Variants in ACAA1 observed in about 807,000 individuals in gnomAD.
The protein encoded by ACAA1 is 3-ketoacyl-CoA thiolase, peroxisomal.
Under a neutral mutation model 48.8 loss-of-function variants are expected in ACAA1, and 44 were observed. The observed-to-expected ratio is 0.90, with a 90% CI of 0.71 to 1.16. The LOEUF (loss-of-function observed/expected upper bound fraction) is 1.16. Among genes scored for constraint, ACAA1 ranks in the 50% most tolerant of loss-of-function variants. The pLI is 0.00. For missense variants in ACAA1, 512 were observed against 562.3 expected (o/e 0.91, Z 0.90); for synonymous variants, 233 against 226.5 (o/e 1.03, Z -0.26).
rs1700690551 is a variant in ACAA1 at position 38,126,711 on chromosome 3, C to T, written c.627-11G>A. 1.2e-6 allele frequency: 2 copies of T among 1,612,756 alleles called. No individual in the cohort carries two copies. Among genetic ancestry groups the T allele is most frequent in the Admixed American group, 1.7e-5 (1 of 60,002 alleles). ...TGGGCTCTTGCTGCCCTGCCAGCACCATGGACAGCCAGCTTCAGACTCCCT... is the reference window on the plus strand; with the variant it reads ...TGGGCTCTTGCTGCCCTGCCAGCACTATGGACAGCCAGCTTCAGACTCCCT... On this transcript the variant is annotated splice_polypyrimidine_tract_variant and intron_variant, in intron 7 of 11. Transcript: ENST00000333167. This position sits in a 1 kb window ranked among gnomAD's most constrained non-coding sequence, Gnocchi z 4.7.
At chr3:38,127,677 C>T in intron 7 of ACAA1, 109 bp downstream of exon 7, 1 of 1,132,046 alleles carries the variant, frequency 8.8e-7, no homozygotes, top group East Asian at 2.4e-5. Flanking sequence ...GCCTGGAAAG[C>T]ACTCACTGCC....
rs571696824 is a variant in ACAA1, at chr3:38,131,601, G to A, written c.441C>T (p.Ala147=). 1.9e-6 allele frequency: 3 copies of A among 1,614,116 alleles called. No individual in the cohort carries two copies. Among genetic ancestry groups the A allele is most frequent in the East Asian group, 4.5e-5 (2 of 44,892 alleles). ...CGGCAGAAAAAAATTCTTACCCACA[G>A]GCCATGCCAATGTCATAAGACCCAT... The part of the protein sequence containing the change: ...IRNGSYDIGM[A]CGVESMSLAD... Residue 147 remains alanine, a synonymous_variant, in exon 5 of 12, where the codon GCC becomes GCT. Transcript: ENST00000333167.
Position 38,126,091 on chromosome 3 carries a change from C to A in ACAA1, c.997+71G>T. On this transcript the variant is annotated intron_variant, in intron 9 of 11. Transcript: ENST00000333167. The surrounding 1 kb of genome is among the most constrained non-coding windows in gnomAD (Gnocchi z 4.7). ...CACCCACAGGACCACCCTCATGCCC[C>A]TGGCAACAGCATGCAGGGCAGCTGC... 1 of 1,560,718 alleles carries A rather than the reference C, an allele frequency of 6.4e-7. No individual in the cohort carries two copies. The highest frequency in any genetic ancestry group is 1.2e-5 in the South Asian group (1 of 83,682).
intron 5 of ACAA1, among the ~76,000 whole-genome samples, chr3:38,130,340 A>G (rs766011425): frequency 2.6e-5 from 4 of 152,214 alleles, no homozygotes; most frequent in Non-Finnish European, 5.9e-5. Flanking sequence ...TGTTGCTATT[A>G]CTCCATTTAT....
At chr3:38,127,549 C>G in intron 7 of ACAA1, 1 of 562,752 alleles carries the variant, frequency 1.8e-6, no homozygotes, top group Non-Finnish European at 3.2e-6. Flanking sequence ...GAGGGGGAAA[C>G]TGAGGCCTAG....
Position 38,134,123 on chromosome 3 carries a change from T to C in ACAA1, c.266-114A>G, listed in dbSNP as rs1457765587. On this transcript the variant is annotated intron_variant, in intron 2 of 11. Coordinates refer to ENST00000333167, the MANE Select transcript of ACAA1 (RefSeq NM_001607.4). The stretch of plus-strand genomic sequence containing the variant: ...GATCTTTCTTCGGGACACTAGCCCT[T>C]GGCAGGCTCACTTGCAACTCTGGAA... 7.6e-6 allele frequency: 8 copies of C among 1,049,892 alleles called. No homozygotes were observed. In the East Asian group the frequency reaches 2.0e-4, roughly 26 times the overall value. 65.0% of individuals were successfully genotyped at this position (1,049,892 alleles called of 1,614,324 possible). A position where few individuals can be genotyped will look rare whatever the true frequency, so the allele number is the denominator to read the frequency against.
rs1700560480 is a variant in ACAA1 at position 38,122,805 on chromosome 3, G to C, written c.*242C>G. 2.0e-6 allele frequency: 2 copies of C among 987,372 alleles called. No homozygotes were observed. The highest frequency in any genetic ancestry group is 2.9e-6 in the Non-Finnish European group (2 of 697,334). The allele number at this position is 987,372 out of a possible 1,614,324, so 61.2% of individuals were successfully genotyped here. Reference sequence around the variant, plus strand: ...TTAACCATGGCCTTGTGGCCTGGGTGACCCAGGCTGCTTTTATCTTGCACA... The same window carrying C: ...TTAACCATGGCCTTGTGGCCTGGGTCACCCAGGCTGCTTTTATCTTGCACA... On this transcript the variant is annotated 3_prime_UTR_variant, in exon 12 of 12. Coordinates refer to ENST00000333167, the MANE Select transcript of ACAA1 (RefSeq NM_001607.4).
rs1231096158 is a variant in ACAA1 at position 38,123,078 on chromosome 3, G to A, written c.1244C>T (p.Ala415Val). The A allele has an allele frequency of 5.0e-6, 8 of 1,614,138 alleles. No homozygotes were observed. Among genetic ancestry groups the A allele is most frequent in the Non-Finnish European group, 6.8e-6 (8 of 1,180,016 alleles). Reference sequence around the variant, plus strand: ...CCCAGGGTATTCAAAGACGGCAGCGGCTCCCATTCCAGTCCCGATGCACAT... The same window carrying A: ...CCCAGGGTATTCAAAGACGGCAGCGACTCCCATTCCAGTCCCGATGCACAT... ...VSMCIGTGMG[A>V]AAVFEYPGN Residue 415 changes from alanine (A) to valine (V), a missense_variant, in exon 12 of 12, where the codon GCC becomes GTC. By Grantham distance (64) the Ala-to-Val change is moderately conservative (BLOSUM62 0). Transcript: ENST00000333167.
At chr3:38,128,864 T>A (rs199418) in intron 6 of ACAA1, among the ~76,000 whole-genome samples, 1 of 152,158 alleles carries the variant, frequency 6.6e-6, no homozygotes, top group Non-Finnish European at 1.5e-5. Context: ...GTGCTGGGAT[T>A]ACAGGCATGA....
Position 38,122,951 on chromosome 3 carries a change from C to A in ACAA1, c.*96G>T. ...CTGTCCACTGCCACCACCACCAGTG[C>A]TGAGTTTTCCCATGTGGTTTTGCTT... On this transcript the variant is annotated 3_prime_UTR_variant, in exon 12 of 12. Coordinates refer to ENST00000333167, the MANE Select transcript of ACAA1 (RefSeq NM_001607.4). The A allele has an allele frequency of 1.6e-6, 2 of 1,276,918 alleles. No homozygotes were observed. Among genetic ancestry groups the A allele is most frequent in the Non-Finnish European group, 2.3e-6 (2 of 885,752 alleles). 79.1% of individuals were successfully genotyped at this position (1,276,918 alleles called of 1,614,324 possible). A position where few individuals can be genotyped will look rare whatever the true frequency, so the allele number is the denominator to read the frequency against.
rs938581221 is a variant in ACAA1 at position 38,129,957 on chromosome 3, G to A, written c.447-569C>T. On this transcript the variant is annotated intron_variant, in intron 5 of 11. Coordinates refer to ENST00000333167, the MANE Select transcript of ACAA1 (RefSeq NM_001607.4). The surrounding 1 kb of genome is among the most constrained non-coding windows in gnomAD (Gnocchi z 5.3). Reference sequence around the variant, plus strand: ...TGGGAGGCTGAGGCAGGAGAATGGCGTAAACCCAGGAGGCGGAACTTGCAG... The same window carrying A: ...TGGGAGGCTGAGGCAGGAGAATGGCATAAACCCAGGAGGCGGAACTTGCAG... Among the ~76,000 whole-genome samples, 3 of 152,162 alleles carry A rather than the reference G, an allele frequency of 2.0e-5. No homozygotes were observed. The highest frequency in any genetic ancestry group is 2.1e-4 in the South Asian group (1 of 4,828).
rs768813709 is a variant in ACAA1, at chr3:38,133,961, T to C, written c.314A>G (p.Gln105Arg). The C allele has an allele frequency of 6.2e-7, 1 of 1,614,192 alleles. No homozygotes were observed. Among genetic ancestry groups the C allele is most frequent in the Non-Finnish European group, 8.5e-7 (1 of 1,180,026 alleles). The change falls in exon 3 of 12, where the codon CAG (glutamine) becomes CGG (arginine). Residue 105 changes from glutamine to arginine, a missense_variant. Gln to Arg is a conservative substitution (Grantham distance 43). Transcript: ENST00000333167. ...AACTAGAAAAGTTTACCTCAGAAAC[T>C]GGGCGATTCGGGCCATGATTGCCCC... ...GAGAIMARIAQFLSDIPETVP... is the reference protein window; with the variant it reads ...GAGAIMARIARFLSDIPETVP...
chr3:38,125,536 T>C lies in ACAA1; in HGVS notation c.1199+29A>G, dbSNP rs1374161270. 2.6e-5 allele frequency: 39 copies of C among 1,520,134 alleles called. 1 individual carries two copies. In the Admixed American group the frequency reaches 6.7e-4, roughly 26 times the overall value. 94.2% of individuals were successfully genotyped at this position (1,520,134 alleles called of 1,614,324 possible). On this transcript the variant is annotated intron_variant, in intron 11 of 11. Transcript: ENST00000333167. ...GTGCCCTAACTTGGATATCCCCCTA[T>C]GACCCCACCGCCAGGAGCAAAGCCT... is the stretch of plus-strand genomic sequence containing the variant.
chr3:38,125,784 G>A (rs766663223), intron 10 of ACAA1, 42 bp downstream of exon 10: 19 of 1,614,098 alleles, frequency 1.2e-5, no homozygotes, highest in South Asian at 3.3e-5. Flanking sequence ...ACTCCACCTC[G>A]GCTGTCCAGG....
Position 38,122,803 on chromosome 3 carries a change from G to C in ACAA1, c.*244C>G. ...AATTAACCATGGCCTTGTGGCCTGG[G>C]TGACCCAGGCTGCTTTTATCTTGCA... is the stretch of plus-strand genomic sequence containing the variant. On this transcript the variant is annotated 3_prime_UTR_variant, in exon 12 of 12. Coordinates refer to ENST00000333167, the MANE Select transcript of ACAA1 (RefSeq NM_001607.4). 11 of 1,023,136 alleles carry C rather than the reference G, an allele frequency of 1.1e-5. No individual in the cohort carries two copies. The South Asian group carries it at 1.8e-4, about 16-fold the overall frequency. The allele number at this position is 1,023,136 out of a possible 1,614,324, so 63.4% of individuals were successfully genotyped here.
At chr3:38,135,209 A>G (rs1041719035) in intron 2 of ACAA1, 2 of 151,968 alleles carry the variant, frequency 1.3e-5, no homozygotes, top group African/African-American at 4.8e-5. Flanking sequence ...CCTTCTCCCC[A>G]CCATCACCCT....
intron 1 of ACAA1, 75 bp from the exon 2 acceptor site, chr3:38,136,760 G>T: frequency 6.7e-7 from 1 of 1,500,978 alleles, no homozygotes; most frequent in South Asian, 1.3e-5. Flanking sequence ...GACCACAGCT[G>T]GGTGCGGAGC....
In ACAA1 at chr3:38,136,894, T is replaced by G; in HGVS notation, c.142A>C (p.Ile48Leu). The G allele has an allele frequency of 6.5e-7, 1 of 1,530,486 alleles. No individual in the cohort carries two copies. The highest frequency in any genetic ancestry group is 8.7e-7 in the Non-Finnish European group (1 of 1,143,050). The allele number at this position is 1,530,486 out of a possible 1,614,324, so 94.8% of individuals were successfully genotyped here. Reference sequence around the variant, plus strand: ...AAGCCGCCGCGGCCCGCCCGGCAGATGGCCGTGCGCCGCCCGTGCACCACC... The same window carrying G: ...AAGCCGCCGCGGCCCGCCCGGCAGAGGGCCGTGCGCCGCCCGTGCACCACC... ...VVVVHGRRTA[I>L]CRAGRGGFKD... The change falls in exon 1 of 12, where the codon ATC becomes CTC. Residue 48 changes from isoleucine to leucine, a missense_variant. Coordinates refer to ENST00000333167, the MANE Select transcript of ACAA1 (RefSeq NM_001607.4).
chr3:38,125,577 C>T lies in ACAA1; in HGVS notation c.1187G>A (p.Arg396His), dbSNP rs377002590. ...AGCAAAGCCTTACCTCTTCCCACGG[C>T]GCTTCAGCTCATTGAGCAGCGTGAT... ...QVITLLNELK[R>H]RGKRAYGVVS... Residue 396 changes from arginine (R) to histidine (H), a missense_variant, in exon 11 of 12, where the codon CGC becomes CAC. Transcript: ENST00000333167. The T allele has an allele frequency of 1.9e-5, 29 of 1,558,668 alleles. No homozygotes were observed. Among genetic ancestry groups the T allele is most frequent in the Middle Eastern group, 1.7e-4 (1 of 5,784 alleles).
Sources: allele counts gnomAD v4.1 joint callset (sites outside exome capture counted in the v4.1 genomes callset), GRCh38; gene constraint gnomAD v4.1.1; non-coding constraint Gnocchi (gnomAD v3.1); transcripts MANE v1.5; gene names NCBI Gene and HGNC (gene_info 2026-07-23, HGNC 2026-07-21).